RILPL1: variants seen among roughly 807,000 people sequenced by gnomAD.
RILPL1 encodes RILP-like protein 1.
RILPL1 carries 33 observed loss-of-function variants against 50.3 expected under a neutral mutation model. The ratio of observed to expected loss-of-function variants is 0.66; its 90% CI spans 0.50 to 0.88. The LOEUF (loss-of-function observed/expected upper bound fraction) is 0.88. Among genes scored for constraint, RILPL1 ranks in the 40% least tolerant of loss-of-function variants. The probability of loss-of-function intolerance (pLI) is 0.00; values close to 1 mark genes in which losing one functional copy is unlikely to be tolerated. For missense variants in RILPL1, 418 were observed against 542.5 expected (o/e 0.77, Z 2.28); for synonymous variants, 205 against 228.6 (o/e 0.90, Z 0.93).
chr12:123,472,482 C>G lies in RILPL1; in HGVS notation c.*56G>C. 3.9e-6 allele frequency: 6 copies of G among 1,542,930 alleles called. No individual in the cohort carries two copies. Among genetic ancestry groups the G allele is most frequent in the Non-Finnish European group, 5.3e-6 (6 of 1,141,642 alleles). ...CAGCAATGACCCCTGGGCTGCAGTTCGGTTGCAGGCGCTGGTGGCGGGCAG... is the reference window on the plus strand; with the variant it reads ...CAGCAATGACCCCTGGGCTGCAGTTGGGTTGCAGGCGCTGGTGGCGGGCAG... On this transcript the variant is annotated 3_prime_UTR_variant, in exon 7 of 7. Coordinates refer to ENST00000376874, the MANE Select transcript of RILPL1 (RefSeq NM_178314.5).
At chr12:123,497,892 G>T (rs1883128741) in intron 4 of RILPL1, among the ~76,000 whole-genome samples, 1 of 152,064 alleles carries the variant, frequency 6.6e-6, no homozygotes, top group Non-Finnish European at 1.5e-5. Flanking sequence ...CAATTCTTTT[G>T]GATATGTGCC....
At chr12:123,530,246 A>C (rs1425974193) in intron 1 of RILPL1, among the ~76,000 whole-genome samples, 1 of 151,978 alleles carries the variant, frequency 6.6e-6, no homozygotes, top group African/African-American at 2.4e-5. Context: ...ACTCGCTGCA[A>C]TCTCTGCCTC....
intron 2 of RILPL1, among the ~76,000 whole-genome samples, chr12:123,517,750 T>C (rs1355020473): frequency 6.6e-6 from 1 of 152,094 alleles, no homozygotes; most frequent in East Asian, 1.9e-4. Flanking sequence ...CGTATCCAAT[T>C]CGGTAGCCAC....
intron 2 of RILPL1, among the ~76,000 whole-genome samples, chr12:123,515,718 G>A (rs1884647984): frequency 6.6e-6 from 1 of 150,532 alleles, no homozygotes; most frequent in South Asian, 2.1e-4. Context: ...CCAAAGTGTT[G>A]GGATTACAGG....
In RILPL1 at chr12:123,498,295, A is replaced by G. The variant is rs1004937150; in HGVS notation, c.801+249T>C. Among the ~76,000 whole-genome samples, 4 of 151,554 alleles carry G rather than the reference A, an allele frequency of 2.6e-5. No individual in the cohort carries two copies. The highest frequency in any genetic ancestry group is 9.7e-5 in the African/African-American group (4 of 41,142). ...CAGTTGTGCAATCATGGCTCATTGC[A>G]GCCTTGAACTCCTGGGCTCAAGTGA... On this transcript the variant is annotated intron_variant, in intron 4 of 6. Transcript: ENST00000376874. The surrounding 1 kb of genome is among the most constrained non-coding windows in gnomAD (Gnocchi z 4.3).
rs1462564490 is a variant in RILPL1, at chr12:123,498,618, G to C, written c.727C>G (p.Leu243Val). ...CGCAACTTCCCCAGCTCTGCTCGCAGGCTGCCCATCTCCTGCTCCTTGGTC... is the reference window on the plus strand; with the variant it reads ...CGCAACTTCCCCAGCTCTGCTCGCACGCTGCCCATCTCCTGCTCCTTGGTC... ...LQTKEQEMGS[L>V]RAELGKLRER... The change falls in exon 4 of 7, where the codon CTG (leucine) becomes GTG (valine). Residue 243 changes from leucine (L) to valine (V), a missense_variant. By Grantham distance (32) the Leu-to-Val change is conservative. Transcript: ENST00000376874. This position sits in a 1 kb window ranked among gnomAD's most constrained non-coding sequence, Gnocchi z 4.3. 1.2e-6 allele frequency: 2 copies of C among 1,613,662 alleles called. No individual in the cohort carries two copies. Among genetic ancestry groups the C allele is most frequent in the South Asian group, 2.2e-5 (2 of 91,072 alleles).
intron 2 of RILPL1, among the ~76,000 whole-genome samples, chr12:123,521,675 A>ATGTG (rs1254620834): frequency 0.014 from 220 of 15,356 alleles, 2 homozygotes; most frequent in African/African-American, 0.029. Context: ...ATATATAAAT[A>ATGTG]TATATATATA....
chr12:123,529,580 ATTT>A (rs35289859), intron 1 of RILPL1, among the ~76,000 whole-genome samples: 9 of 145,104 alleles, frequency 6.2e-5, no homozygotes, highest in East Asian at 2.0e-4. Flanking sequence ...CCCAGCCTGA[ATTT>A]TTTTTTTTTT....
intron 4 of RILPL1, among the ~76,000 whole-genome samples, chr12:123,492,234 A>AAAT (rs1555265506): frequency 2.1e-5 from 3 of 145,246 alleles, no homozygotes; most frequent in African/African-American, 5.3e-5. Flanking sequence ...AAGAAAAAAA[A>AAAT]ATATATATAT....
intron 2 of RILPL1, among the ~76,000 whole-genome samples, chr12:123,511,931 G>GTCAA (rs1884292224): frequency 8.6e-6 from 1 of 116,064 alleles, no homozygotes; most frequent in African/African-American, 3.0e-5. Context: ...TGTGTGTGGT[G>GTCAA]TGTGAGGTTT....
rs1285652071 is a variant in RILPL1, at chr12:123,491,469, G to A, written c.802-5664C>T. On this transcript the variant is annotated intron_variant, in intron 4 of 6. Coordinates refer to ENST00000376874, the MANE Select transcript of RILPL1 (RefSeq NM_178314.5). The surrounding 1 kb of genome is among the most constrained non-coding windows in gnomAD (Gnocchi z 4.0). The stretch of plus-strand genomic sequence containing the variant: ...CAGGGCCTCCATCCCGAGGCCTTAG[G>A]AATGCTCCTCACTGCCTGGGTGCCT... 6.6e-6 allele frequency among the ~76,000 whole-genome samples: 1 copy of A among 152,180 alleles called. No homozygotes were observed. Among genetic ancestry groups the A allele is most frequent in the African/African-American group, 2.4e-5 (1 of 41,454 alleles).
At chr12:123,524,761 G>A (rs1885191079) in intron 1 of RILPL1, among the ~76,000 whole-genome samples, 1 of 152,244 alleles carries the variant, frequency 6.6e-6, no homozygotes, top group Non-Finnish European at 1.5e-5. Flanking sequence ...GTTGTCTAGA[G>A]CCAGAGTGCT....
intron 4 of RILPL1, among the ~76,000 whole-genome samples, chr12:123,495,263 G>A (rs568398493): frequency 7.6e-4 from 116 of 152,212 alleles, no homozygotes; most frequent in Middle Eastern, 3.4e-3. Flanking sequence ...TGAGAAGGTC[G>A]GAGCCACATT....
In RILPL1 at chr12:123,470,250, T is replaced by C. The variant is rs1593520474; in HGVS notation, c.*2288A>G. On this transcript the variant is annotated 3_prime_UTR_variant, in exon 7 of 7. Transcript: ENST00000376874. The stretch of plus-strand genomic sequence containing the variant: ...CCCAGCACTTTGGGAGGCTGGGGTG[T>C]GAGGATCACTTGAGCCCAGGAGTTT... The C allele has an allele frequency of 7.0e-6, 1 of 143,766 alleles. No homozygotes were observed. The highest frequency in any genetic ancestry group is 2.6e-5 in the African/African-American group (1 of 38,364). The allele number at this position is 143,766 out of a possible 1,614,324, so 8.9% of individuals were successfully genotyped here.
At chr12:123,500,414 G>A (rs937754676) in intron 2 of RILPL1, among the ~76,000 whole-genome samples, 1 of 150,650 alleles carries the variant, frequency 6.6e-6, no homozygotes, top group Non-Finnish European at 1.5e-5. Flanking sequence ...CTCCCAAGTA[G>A]CTCGAGGCAA....
intron 2 of RILPL1, among the ~76,000 whole-genome samples, chr12:123,516,920 G>A (rs920328910): frequency 2.0e-5 from 3 of 152,094 alleles, no homozygotes; most frequent in Non-Finnish European, 4.4e-5. Flanking sequence ...AATTAGCTGG[G>A]CATGGTAGCA....
At chr12:123,510,021 A>C (rs1883988137) in intron 2 of RILPL1, among the ~76,000 whole-genome samples, 1 of 152,220 alleles carries the variant, frequency 6.6e-6, no homozygotes, top group Non-Finnish European at 1.5e-5. Flanking sequence ...AGACAGGGGA[A>C]GGCCCCCCTG....
chr12:123,507,564 C>CAAAAA (rs34340975), intron 2 of RILPL1, among the ~76,000 whole-genome samples: 1 of 134,626 alleles, frequency 7.4e-6, no homozygotes, highest in African/African-American at 2.7e-5. Context: ...GATACTGTCT[C>CAAAAA]AAAAAAAAAA....
chr12:123,495,421 C>T (rs1458152858), intron 4 of RILPL1, among the ~76,000 whole-genome samples: 1 of 149,734 alleles, frequency 6.7e-6, no homozygotes, highest in Non-Finnish European at 1.5e-5. Context: ...GTCACCCAGG[C>T]TGGAGTGCAG....
Sources: gnomAD v4.1 joint callset for allele counts (sites outside exome capture counted in the v4.1 genomes callset) on GRCh38, gnomAD v4.1.1 for gene constraint, Gnocchi (gnomAD v3.1) non-coding constraint, MANE v1.5 for transcripts, NCBI Gene and HGNC (gene_info 2026-07-23, HGNC 2026-07-21) for gene names.